CADPS2: variants seen among roughly 807,000 people sequenced by gnomAD.
CADPS2 encodes calcium-dependent secretion activator 2.
A neutral mutation model predicts 172.5 loss-of-function variants in CADPS2; 93 were observed. That is an observed-to-expected ratio of 0.54 (90% CI 0.46 to 0.64). The LOEUF is 0.64. Among genes scored for constraint, CADPS2 ranks in the 30% least tolerant of loss-of-function variants. The probability of loss-of-function intolerance (pLI) is 0.00; values close to 1 mark genes in which losing one functional copy is unlikely to be tolerated. For missense variants in CADPS2, 1,420 were observed against 1,565.9 expected (o/e 0.91, Z 1.57); for synonymous variants, 546 against 555.2 (o/e 0.98, Z 0.23).
At chr7:122,438,910 T>C (rs1221440125) in intron 16 of CADPS2, among the ~76,000 whole-genome samples, 1 of 149,270 alleles carries the variant, frequency 6.7e-6, no homozygotes, top group Admixed American at 6.8e-5. Flanking sequence ...CCATTAAGAA[T>C]AAGCATAATC....
Position 122,513,794 on chromosome 7 carries a change from T to A in CADPS2, c.1476-479A>T, listed in dbSNP as rs2060162492. Among the ~76,000 whole-genome samples the A allele has an allele frequency of 2.0e-5, 3 of 152,150 alleles. No homozygotes were observed. In the South Asian group the frequency reaches 6.2e-4, roughly 32 times the overall value. On this transcript the variant is annotated intron_variant, in intron 8 of 29. Transcript: ENST00000449022. ...CAAAATGTGCCTGCACCAATCTCAG[T>A]CTCCATGTCCTCACCTATCAAACGA...
intron 1 of CADPS2, among the ~76,000 whole-genome samples, chr7:122,748,175 G>A (rs1238343311): frequency 6.6e-6 from 1 of 152,156 alleles, no homozygotes; most frequent in Non-Finnish European, 1.5e-5. Flanking sequence ...CAGCACTGAA[G>A]CAAGTGAGTG....
At chr7:122,545,780 G>A (rs1422317629) in intron 8 of CADPS2, among the ~76,000 whole-genome samples, 1 of 152,048 alleles carries the variant, frequency 6.6e-6, no homozygotes, top group African/African-American at 2.4e-5. Flanking sequence ...AAGATCAATC[G>A]AACTGACAGA....
intron 15 of CADPS2, 97 bp downstream of exon 15, chr7:122,451,277 G>C (rs1287120676): frequency 1.2e-5 from 6 of 514,010 alleles, no homozygotes; most frequent in Non-Finnish European, 1.9e-5. Context: ...TGATGATCTT[G>C]AGCGCTAGTA....
At chr7:122,351,305 A>G (rs563731459) in intron 27 of CADPS2, among the ~76,000 whole-genome samples, 14 of 141,456 alleles carry the variant, frequency 9.9e-5, no homozygotes, top group South Asian at 9.7e-4. Context: ...CCCAGGAGGC[A>G]GAGCTTGCAG....
At chr7:122,881,855 C>T (rs1823012153) in intron 1 of CADPS2, among the ~76,000 whole-genome samples, 1 of 152,174 alleles carries the variant, frequency 6.6e-6, no homozygotes, top group South Asian at 2.1e-4. Context: ...TGTTTAGGAA[C>T]ACTAGTTCCC....
At chr7:122,430,483 A>C (rs746059041) in intron 17 of CADPS2, among the ~76,000 whole-genome samples, 9 of 152,236 alleles carry the variant, frequency 5.9e-5, no homozygotes, top group Non-Finnish European at 1.0e-4. Flanking sequence ...CACATGATTT[A>C]AAAAACAATT....
At position 122,490,114 on chromosome 7, in the gene CADPS2, T is replaced by G; in HGVS notation, c.1819A>C (p.Lys607Gln). Residue 607 changes from lysine to glutamine, a missense_variant, in exon 11 of 30, where the codon AAA becomes CAA. By Grantham distance (53) the Lys-to-Gln change is moderately conservative. Transcript: ENST00000449022. Reference sequence around the variant, plus strand: ...GCATCTGCATGGAGAGTTCCTCCTTTAGGATTCAGTTTCTGGGTTTGAATT... The same window carrying G: ...GCATCTGCATGGAGAGTTCCTCCTTGAGGATTCAGTTTCTGGGTTTGAATT... Reference protein sequence around the residue: ...PAIQTQKLNPKGGTLHADAQL... With the variant: ...PAIQTQKLNPQGGTLHADAQL... The G allele has an allele frequency of 6.2e-7, 1 of 1,613,478 alleles. No individual in the cohort carries two copies. The highest frequency in any genetic ancestry group is 8.5e-7 in the Non-Finnish European group (1 of 1,179,582).
intron 3 of CADPS2, among the ~76,000 whole-genome samples, chr7:122,651,321 C>T (rs923241857): frequency 6.6e-6 from 1 of 150,962 alleles, no homozygotes; most frequent in African/African-American, 2.4e-5. Context: ...TGGGGATTCA[C>T]ATTTCTCTCC....
chr7:122,803,493 CATTTTCTATGGT>C (rs1178990937), intron 1 of CADPS2, among the ~76,000 whole-genome samples: 13 of 152,054 alleles, frequency 8.5e-5, no homozygotes, highest in Admixed American at 7.9e-4. Context: ...CAGAGCTTGC[CATTTTCTATGGT>C]GTTTTCTATC....
chr7:122,577,156 A>C (rs1018374611), intron 7 of CADPS2, among the ~76,000 whole-genome samples: 1 of 152,038 alleles, frequency 6.6e-6, no homozygotes, highest in African/African-American at 2.4e-5. Flanking sequence ...CCATGACTGT[A>C]AGTTTCCTGA....
chr7:122,702,159 G>C (rs1208831604), intron 2 of CADPS2: 1 of 1,613,714 alleles, frequency 6.2e-7, no homozygotes, highest in Non-Finnish European at 8.5e-7. Flanking sequence ...GTGGCAGCCA[G>C]GAAGGTAAAT....
At position 122,407,627 on chromosome 7, in the gene CADPS2, T is replaced by C; in HGVS notation, c.2659A>G (p.Met887Val). 1 of 1,612,232 alleles carries C rather than the reference T, an allele frequency of 6.2e-7. No individual in the cohort carries two copies. Among genetic ancestry groups the C allele is most frequent in the Non-Finnish European group, 8.5e-7 (1 of 1,179,100 alleles). The change falls in exon 20 of 30, where the codon ATG (methionine) becomes GTG (valine). Residue 887 changes from methionine (M) to valine (V), a missense_variant. By Grantham distance (21) the Met-to-Val change is conservative. Transcript: ENST00000449022. ...EKFWALFTVD[M>V]DTALEAQPQD... The stretch of plus-strand genomic sequence containing the variant: ...GGTTGAGCCTCTAGTGCAGTGTCCA[T>C]ATCCACTGTAAATAAAGCCCAAAAT...
At chr7:122,705,499 ATTATATATTATC>A in intron 2 of CADPS2, among the ~76,000 whole-genome samples, 1 of 122,606 alleles carries the variant, frequency 8.2e-6, no homozygotes, top group East Asian at 2.2e-4. Context: ...TATTATCTAT[ATTATATATTATC>A]TATATTTATA....
intron 2 of CADPS2, among the ~76,000 whole-genome samples, chr7:122,683,975 C>T (rs758869085): frequency 6.6e-6 from 1 of 152,142 alleles, no homozygotes; most frequent in Admixed American, 6.5e-5. Context: ...TTGCCTTGTA[C>T]CCTGAGCTGC....
intron 1 of CADPS2, among the ~76,000 whole-genome samples, chr7:122,776,968 T>C (rs980255633): frequency 2.0e-5 from 3 of 151,996 alleles, no homozygotes; most frequent in Admixed American, 6.6e-5. Context: ...CTGGGCAATA[T>C]AGTGTGACCC....
intron 6 of CADPS2, chr7:122,585,613 T>C (rs1352191337): frequency 6.6e-6 from 1 of 151,940 alleles, no homozygotes; most frequent in Non-Finnish European, 1.5e-5. Flanking sequence ...TTTCTCAATA[T>C]TTTATGACAA....
chr7:122,413,168 T>C (rs944768674), intron 19 of CADPS2: 1 of 152,234 alleles, frequency 6.6e-6, no homozygotes, highest in Non-Finnish European at 1.5e-5. Context: ...GGACTATGGC[T>C]TTTTCAGCAG....
At chr7:122,474,117 A>G (rs554973500) in intron 13 of CADPS2, among the ~76,000 whole-genome samples, 101 of 152,240 alleles carry the variant, frequency 6.6e-4, no homozygotes, top group African/African-American at 2.0e-3. Flanking sequence ...TGACTGATAC[A>G]CCACAGTTTA....
Sources: gnomAD v4.1 joint callset for allele counts (sites outside exome capture counted in the v4.1 genomes callset) on GRCh38, gnomAD v4.1.1 for gene constraint, MANE v1.5 for transcripts, NCBI Gene and HGNC (gene_info 2026-07-23, HGNC 2026-07-21) for gene names.